The following FCSK variants were observed in gnomAD, a reference collection of about 807,000 sequenced individuals.
The protein encoded by FCSK is fucose kinase, also known as L-fucose kinase.
Under a neutral mutation model 122.5 loss-of-function variants are expected in FCSK, and 123 were observed. That is an observed-to-expected ratio of 1.00 (90% CI 0.87 to 1.17). The LOEUF (loss-of-function observed/expected upper bound fraction) is 1.17, where lower values mean the gene tolerates loss of function less well. FCSK is among the 50% of genes most tolerant of loss of function. The pLI, the probability that FCSK is intolerant of heterozygous loss-of-function variation, is 0.00. For synonymous variants in FCSK, 620 were observed against 625.5 expected (o/e 0.99, Z 0.13); for missense variants, 1,366 against 1,450.4 (o/e 0.94, Z 0.95).
chr16:70,463,901 G>T, intron 3 of FCSK, 127 bp downstream of exon 3: 2 of 1,079,094 alleles, frequency 1.9e-6, no homozygotes, highest in Non-Finnish European at 2.6e-6. Flanking sequence ...TTTTGTTTCT[G>T]TAAATTGGGC....
chr16:70,463,156 A>G lies in FCSK; in HGVS notation c.-22-13A>G. 3 of 1,517,332 alleles carry G rather than the reference A, an allele frequency of 2.0e-6. No homozygotes were observed. The highest frequency in any genetic ancestry group is 1.8e-6 in the Non-Finnish European group (2 of 1,094,750). 94.0% of individuals were successfully genotyped at this position (1,517,332 alleles called of 1,614,324 possible). ...TTAAAAAATAGTCACATCTACCCAT[A>G]TTGCTGTCTCAGGAAGCCCCTCCGC... On this transcript the variant is annotated splice_polypyrimidine_tract_variant and intron_variant, in intron 1 of 23. Transcript: ENST00000288078.
chr16:70,468,012 G>A (rs1378824036), intron 8 of FCSK, 46 bp downstream of exon 8: 1 of 1,426,090 alleles, frequency 7.0e-7, no homozygotes, highest in Non-Finnish European at 9.9e-7. Flanking sequence ...GACCTTATGG[G>A]ACAGGGAGGG....
At position 70,479,259 on chromosome 16, in the gene FCSK, G is replaced by C; in HGVS notation, c.3009G>C (p.Leu1003=). 1 of 1,613,896 alleles carries C rather than the reference G, an allele frequency of 6.2e-7. No homozygotes were observed. The highest frequency in any genetic ancestry group is 8.5e-7 in the Non-Finnish European group (1 of 1,180,036). Residue 1003 remains leucine (L), a synonymous_variant, in exon 23 of 24, where the codon CTG becomes CTC. Transcript: ENST00000288078. ...TCATGGCTCCAGGCTGTGAGCCCCTGACTGTGCGGCGTATGATGGATGTCC... is the reference window on the plus strand; with the variant it reads ...TCATGGCTCCAGGCTGTGAGCCCCTCACTGTGCGGCGTATGATGGATGTCC... ...KKLMAPGCEP[L]TVRRMMDVLA...
intron 5 of FCSK, 192 bp from the exon 6 acceptor site, chr16:70,466,690 G>C: frequency 1.7e-6 from 1 of 592,288 alleles, no homozygotes; most frequent in Non-Finnish European, 3.0e-6. Context: ...GTGAGACCCT[G>C]TCGCAATAAC....
chr16:70,455,350 A>G (rs1417248852), intron 1 of FCSK, among the ~76,000 whole-genome samples: 2 of 152,174 alleles, frequency 1.3e-5, no homozygotes, highest in African/African-American at 4.8e-5. Context: ...CTGGGCGCCA[A>G]GGCTCATGCC....
At chr16:70,475,033 G>T in intron 18 of FCSK, 22 bp downstream of exon 18, 1 of 1,566,906 alleles carries the variant, frequency 6.4e-7, no homozygotes, top group Admixed American at 1.8e-5. Context: ...TGGGACCTCT[G>T]CAGGTGGGGC....
chr16:70,455,739 A>G (rs182872560), intron 1 of FCSK, among the ~76,000 whole-genome samples: 5 of 151,482 alleles, frequency 3.3e-5, no homozygotes, highest in African/African-American at 4.8e-5. Flanking sequence ...TAATAATACA[A>G]AAATTAGCTG....
intron 10 of FCSK, among the ~76,000 whole-genome samples, chr16:70,469,904 G>C (rs1464867890): frequency 2.0e-5 from 3 of 151,484 alleles, no homozygotes; most frequent in Non-Finnish European, 4.4e-5. Flanking sequence ...GAGTGCAGTG[G>C]CGTAATTTCG....
chr16:70,476,833 A>G (rs978325710), intron 20 of FCSK, among the ~76,000 whole-genome samples: 20 of 152,186 alleles, frequency 1.3e-4, no homozygotes, highest in African/African-American at 3.9e-4. Context: ...TTCAAGTTCT[A>G]CATTTGGCCA....
Position 70,457,415 on chromosome 16 carries a change from C to T in FCSK, c.-23+2785C>T, listed in dbSNP as rs184522434. ...GACTACAAGCGCGCATCACTACACC[C>T]GGCTAATTTTTGTACTTTTAAAAGA... On this transcript the variant is annotated intron_variant, in intron 1 of 23. Coordinates refer to ENST00000288078, the MANE Select transcript of FCSK (RefSeq NM_145059.3). 1.2e-3 allele frequency among the ~76,000 whole-genome samples: 183 copies of T among 151,694 alleles called. 1 individual carries two copies. The highest frequency in any genetic ancestry group is 3.5e-3 in the Admixed American group (54 of 15,232).
chr16:70,475,569 C>A, intron 19 of FCSK, 76 bp downstream of exon 19: 2 of 1,585,070 alleles, frequency 1.3e-6, no homozygotes, highest in Non-Finnish European at 8.6e-7. Context: ...CCTTCCTGGC[C>A]TCTGCCCTTA....
At position 70,465,108 on chromosome 16, in the gene FCSK, G is replaced by A; in HGVS notation, c.235-18G>A. 6.2e-7 allele frequency: 1 copy of A among 1,613,436 alleles called. No homozygotes were observed. Among genetic ancestry groups the A allele is most frequent in the Non-Finnish European group, 8.5e-7 (1 of 1,179,764 alleles). On this transcript the variant is annotated intron_variant, in intron 3 of 23. Transcript: ENST00000288078. ...TCTGCCTGAGGCCTCTGTTCACAGGGCTTTCCCACTCCTGCAGGTGGTCAC... is the reference window on the plus strand; with the variant it reads ...TCTGCCTGAGGCCTCTGTTCACAGGACTTTCCCACTCCTGCAGGTGGTCAC...
At chr16:70,475,544 C>A in intron 19 of FCSK, 51 bp downstream of exon 19, 1 of 1,592,626 alleles carries the variant, frequency 6.3e-7, no homozygotes, top group Non-Finnish European at 8.5e-7. Flanking sequence ...GCCCTCCAGC[C>A]TTGCCTGTGA....
At chr16:70,462,748 G>A (rs1025058193) in intron 1 of FCSK, among the ~76,000 whole-genome samples, 1 of 152,030 alleles carries the variant, frequency 6.6e-6, no homozygotes, top group Non-Finnish European at 1.5e-5. Flanking sequence ...GGGTTCAAGC[G>A]ATTCTCCTGC....
chr16:70,475,809 T>G, intron 20 of FCSK, 42 bp downstream of exon 20: 2 of 1,515,242 alleles, frequency 1.3e-6, no homozygotes, highest in East Asian at 4.7e-5. Flanking sequence ...ACTGACACTT[T>G]CCCAAGGGCC....
rs753693664 is a variant in FCSK, at chr16:70,474,224, C to T, written c.1873C>T (p.Arg625Trp). 43 of 1,597,118 alleles carry T rather than the reference C, an allele frequency of 2.7e-5. No individual in the cohort carries two copies. Among genetic ancestry groups the T allele is most frequent in the Middle Eastern group, 1.6e-4 (1 of 6,062 alleles). ...GCMAEGRGGL[R>W]SGPAANPEWM... is the part of the protein sequence containing the mutation. ...CATGGCAGAGGGCCGTGGGGGCTTG[C>T]GGAGCGGGCCAGCTGCCAACCCTGA... is the stretch of plus-strand genomic sequence containing the variant. Residue 625 changes from arginine to tryptophan, a missense_variant, in exon 16 of 24, where the codon CGG becomes TGG. By Grantham distance (101) the Arg-to-Trp change is moderately radical (BLOSUM62 -3). Transcript: ENST00000288078.
Position 70,475,754 on chromosome 16 carries a change from G to A in FCSK, c.2628G>A (p.Gln876=). 6.3e-7 allele frequency: 1 copy of A among 1,588,262 alleles called. No individual in the cohort carries two copies. Residue 876 remains glutamine (Q), a synonymous_variant, in exon 20 of 24, where the codon CAG becomes CAA. Coordinates refer to ENST00000288078, the MANE Select transcript of FCSK (RefSeq NM_145059.3). ...ALIHAVLHLE[Q]VLTTGGGWQD... is the part of the protein sequence containing the mutation. ...TCCACGCAGTGCTGCACCTGGAGCA[G>A]GTGCTCACCACTGGTATGTGACTGC...
intron 1 of FCSK, among the ~76,000 whole-genome samples, chr16:70,455,967 G>T (rs1012135778): frequency 2.6e-5 from 4 of 151,504 alleles, no homozygotes; most frequent in Non-Finnish European, 5.9e-5. Flanking sequence ...AGGATTACTT[G>T]AGTCCGGGAG....
intron 4 of FCSK, among the ~76,000 whole-genome samples, chr16:70,465,910 A>G (rs1299276688): frequency 1.3e-5 from 2 of 152,204 alleles, no homozygotes; most frequent in African/African-American, 4.8e-5. Flanking sequence ...CCAAGATCGC[A>G]CTACTGCACT....
Sources: allele counts gnomAD v4.1 joint callset (sites outside exome capture counted in the v4.1 genomes callset), GRCh38; gene constraint gnomAD v4.1.1; transcripts MANE v1.5; gene names NCBI Gene and HGNC (gene_info 2026-07-23, HGNC 2026-07-21).